MAGI1: variants seen among roughly 807,000 people sequenced by gnomAD.
MAGI1 encodes membrane associated guanylate kinase, WW and PDZ domain containing 1.
A neutral mutation model predicts 139.9 loss-of-function variants in MAGI1; 58 were observed. The ratio of observed to expected loss-of-function variants is 0.41; its 90% CI spans 0.34 to 0.52. The LOEUF (loss-of-function observed/expected upper bound fraction) is 0.52. Among genes scored for constraint, MAGI1 ranks in the 20% least tolerant of loss-of-function variants. The probability of loss-of-function intolerance (pLI) is 0.12; values close to 1 mark genes in which losing one functional copy is unlikely to be tolerated. For synonymous variants in MAGI1, 812 were observed against 737.9 expected (o/e 1.10, Z -1.63); for missense variants, 1,874 against 1,901.6 (o/e 0.99, Z 0.27).
chr3:65,419,957 CCTG>C (rs1946522392), intron 12 of MAGI1, among the ~76,000 whole-genome samples: 2 of 152,054 alleles, frequency 1.3e-5, no homozygotes, highest in Non-Finnish European at 2.9e-5. Context: ...CCTGTGGAGT[CCTG>C]CTGACTATTC....
At chr3:65,971,773 T>C (rs1025268905) in intron 1 of MAGI1, among the ~76,000 whole-genome samples, 4 of 152,132 alleles carry the variant, frequency 2.6e-5, no homozygotes, top group Non-Finnish European at 5.9e-5. Flanking sequence ...CACACTTCCC[T>C]GGACTTTAAC....
At chr3:65,369,062 G>A (rs569503500) in intron 18 of MAGI1, among the ~76,000 whole-genome samples, 40 of 152,140 alleles carry the variant, frequency 2.6e-4, no homozygotes, top group Non-Finnish European at 5.1e-4. Context: ...GGGCCCTTCT[G>A]TGCTGCCATT....
intron 12 of MAGI1, among the ~76,000 whole-genome samples, chr3:65,424,327 G>T (rs1276221819): frequency 6.6e-6 from 1 of 151,480 alleles, no homozygotes; most frequent in Non-Finnish European, 1.5e-5. Flanking sequence ...GTGACTGGTG[G>T]ATCAAGTTTA....
chr3:65,487,706 T>C (rs1353192946), intron 3 of MAGI1, among the ~76,000 whole-genome samples: 1 of 152,212 alleles, frequency 6.6e-6, no homozygotes, highest in Non-Finnish European at 1.5e-5. Context: ...TCATAGAATG[T>C]ATCCACAAAA....
intron 12 of MAGI1, among the ~76,000 whole-genome samples, chr3:65,429,258 C>G (rs1337223312): frequency 6.6e-6 from 1 of 152,076 alleles, no homozygotes; most frequent in Non-Finnish European, 1.5e-5. Context: ...CCACCACACC[C>G]AACTTAGGTT....
chr3:65,518,090 T>G (rs2077986576), intron 2 of MAGI1, among the ~76,000 whole-genome samples: 1 of 152,204 alleles, frequency 6.6e-6, no homozygotes, highest in Admixed American at 6.5e-5. Flanking sequence ...CCATATTAGG[T>G]GCTGAATAAA....
intron 12 of MAGI1, among the ~76,000 whole-genome samples, chr3:65,409,896 T>A (rs1452488578): frequency 6.6e-6 from 1 of 152,216 alleles, no homozygotes; most frequent in Non-Finnish European, 1.5e-5. Flanking sequence ...TGAAGAAGAT[T>A]AAGAACATAG....
chr3:65,828,364 AC>A, intron 1 of MAGI1, among the ~76,000 whole-genome samples: 1 of 152,084 alleles, frequency 6.6e-6, no homozygotes, highest in Admixed American at 6.5e-5. Flanking sequence ...AAGATTTCTC[AC>A]CCCCCAAACT....
At chr3:65,976,056 T>A (rs1053582406) in intron 1 of MAGI1, among the ~76,000 whole-genome samples, 4 of 152,174 alleles carry the variant, frequency 2.6e-5, no homozygotes, top group African/African-American at 7.2e-5. Flanking sequence ...AAAGTTGTCC[T>A]TTGCAAGTGT....
At chr3:65,491,163 A>G (rs1952006243) in intron 3 of MAGI1, among the ~76,000 whole-genome samples, 1 of 152,076 alleles carries the variant, frequency 6.6e-6, no homozygotes, top group Non-Finnish European at 1.5e-5. Context: ...GGTTTTTAGG[A>G]AAGAGTGTAG....
At chr3:65,362,255 A>G (rs1940944916) in intron 21 of MAGI1, among the ~76,000 whole-genome samples, 1 of 152,228 alleles carries the variant, frequency 6.6e-6, no homozygotes, top group South Asian at 2.1e-4. Context: ...CCTGTCATGT[A>G]AACTATACAC....
intron 2 of MAGI1, 79 bp downstream of exon 2, chr3:65,621,893 G>T: frequency 9.9e-7 from 1 of 1,006,812 alleles, no homozygotes; most frequent in Non-Finnish European, 1.5e-6. Flanking sequence ...CAGTTGTTGA[G>T]ATCTCCTTTC....
At chr3:65,913,495 T>C (rs1039739061) in intron 1 of MAGI1, among the ~76,000 whole-genome samples, 1 of 152,074 alleles carries the variant, frequency 6.6e-6, no homozygotes, top group Non-Finnish European at 1.5e-5. Flanking sequence ...AGAAAGCTAA[T>C]AGGTATAGGT....
intron 2 of MAGI1, among the ~76,000 whole-genome samples, chr3:65,599,730 G>A (rs2082391459): frequency 1.3e-5 from 2 of 152,264 alleles, no homozygotes; most frequent in Admixed American, 6.5e-5. Flanking sequence ...CCAAATGAAA[G>A]TGTTCATCTT....
chr3:65,601,658 T>C (rs1397015920), intron 2 of MAGI1, among the ~76,000 whole-genome samples: 3 of 152,068 alleles, frequency 2.0e-5, no homozygotes, highest in African/African-American at 7.2e-5. Flanking sequence ...CCTAAAATTA[T>C]AAAACTCTTT....
chr3:65,547,296 C>T (rs1005823756), intron 2 of MAGI1, among the ~76,000 whole-genome samples: 2 of 152,248 alleles, frequency 1.3e-5, no homozygotes, highest in East Asian at 1.9e-4. Flanking sequence ...TGAATGTCAG[C>T]GTAGACAGCC....
At chr3:65,905,232 C>G (rs911444623) in intron 1 of MAGI1, among the ~76,000 whole-genome samples, 3 of 152,044 alleles carry the variant, frequency 2.0e-5, no homozygotes, top group Admixed American at 6.5e-5. Flanking sequence ...GAGAAAGGAC[C>G]AGCTGTTTCT....
chr3:65,483,083 G>C (rs1168878487), intron 3 of MAGI1, among the ~76,000 whole-genome samples: 1 of 152,242 alleles, frequency 6.6e-6, no homozygotes, highest in Non-Finnish European at 1.5e-5. Flanking sequence ...GGCATGAGTA[G>C]ATGTAAAAAA....
chr3:66,002,959 A>G (rs2066825471), intron 1 of MAGI1, among the ~76,000 whole-genome samples: 1 of 152,202 alleles, frequency 6.6e-6, no homozygotes, highest in African/African-American at 2.4e-5. Flanking sequence ...AGAATTATTA[A>G]TAGTACAGAG....
Sources: allele counts gnomAD v4.1 joint callset (sites outside exome capture counted in the v4.1 genomes callset), GRCh38; gene constraint gnomAD v4.1.1; transcripts MANE v1.5; gene names NCBI Gene and HGNC (gene_info 2026-07-23, HGNC 2026-07-21).